USP26: variants seen among roughly 807,000 people sequenced by gnomAD.
USP26 encodes ubiquitin carboxyl-terminal hydrolase 26.
For missense variants in USP26, 649 were observed against 642.3 expected (o/e 1.01, Z -0.11); for synonymous variants, 236 against 240.6 (o/e 0.98, Z 0.18).
Position 133,024,195 on chromosome X carries a change from T to A in USP26, c.*1284A>T, listed in dbSNP as rs1005370607. Among the ~76,000 whole-genome samples, 1 of 110,611 alleles carries A rather than the reference T, an allele frequency of 9.0e-6. No individual in the cohort carries two copies. Among genetic ancestry groups the A allele is most frequent in the South Asian group, 3.8e-4 (1 of 2,599 alleles). On this transcript the variant is annotated 3_prime_UTR_variant, in exon 6 of 6. Coordinates refer to ENST00000511190, the MANE Select transcript of USP26 (RefSeq NM_031907.3). ...GTCAAATAAGTAACAAGTAATACTT[T>A]CAAATTCTACAAGTCCACTTTAAAG...
chrX:133,075,379 G>A (rs1201342321), intron 5 of USP26, among the ~76,000 whole-genome samples: 2 of 112,272 alleles, frequency 1.8e-5, no homozygotes, highest in African/African-American at 6.5e-5. Context: ...CTTGTCCTGA[G>A]TTATTTCAAG....
At chrX:133,043,185 T>G (rs2067425758) in intron 5 of USP26, among the ~76,000 whole-genome samples, 1 of 111,907 alleles carries the variant, frequency 8.9e-6, no homozygotes, top group Admixed American at 9.5e-5. Context: ...TGGGAACACC[T>G]TAAGCACTGT....
At chrX:133,033,755 C>T (rs1455678571) in intron 5 of USP26, among the ~76,000 whole-genome samples, 1 of 112,189 alleles carries the variant, frequency 8.9e-6, no homozygotes, top group Non-Finnish European at 1.9e-5. Context: ...TATTCACTTA[C>T]TAACCAAAAT....
intron 5 of USP26, among the ~76,000 whole-genome samples, chrX:133,072,126 C>CA: frequency 8.9e-6 from 1 of 111,987 alleles, no homozygotes; most frequent in East Asian, 2.8e-4. Flanking sequence ...TGGCTATGTG[C>CA]AAAGGCCTAT....
Position 133,028,240 on chromosome X carries a change from T to C in USP26, c.-20A>G. On this transcript the variant is annotated 5_prime_UTR_variant, in exon 6 of 6. In the 5' UTR this introduces an upstream ATG that the reference lacks. Transcript: ENST00000511190. ...AGCCATGTTTTCTTTACAAATAAAA[T>C]ATACGTATCTCCGATTATTGATAAT... 8.3e-7 allele frequency: 1 copy of C among 1,208,338 alleles called. No individual in the cohort carries two copies. Among genetic ancestry groups the C allele is most frequent in the Non-Finnish European group, 1.1e-6 (1 of 892,737 alleles).
intron 5 of USP26, among the ~76,000 whole-genome samples, chrX:133,041,035 T>C (rs1360454323): frequency 9.1e-6 from 1 of 110,277 alleles, no homozygotes; most frequent in Non-Finnish European, 1.9e-5. Context: ...GTTTTTCAGC[T>C]CCATTGGGTA....
chrX:133,076,120 C>T (rs1167923669), intron 5 of USP26, among the ~76,000 whole-genome samples: 1 of 111,438 alleles, frequency 9.0e-6, no homozygotes, highest in Non-Finnish European at 1.9e-5. Context: ...ACCAAATTCA[C>T]TATAATGTAG....
At chrX:133,069,308 G>A (rs189757955) in intron 5 of USP26, among the ~76,000 whole-genome samples, 30 of 111,795 alleles carry the variant, frequency 2.7e-4, no homozygotes, top group Non-Finnish European at 5.6e-4. Flanking sequence ...AAAGGAAAAC[G>A]AATATCTTTT....
chrX:133,067,639 C>T (rs928764806), intron 5 of USP26, among the ~76,000 whole-genome samples: 13 of 112,100 alleles, frequency 1.2e-4, no homozygotes, highest in East Asian at 2.8e-4. Context: ...AAACAAACAC[C>T]GCATGTTCTC....
intron 4 of USP26, among the ~76,000 whole-genome samples, chrX:133,088,932 T>A (rs1339103022): frequency 1.8e-5 from 2 of 109,836 alleles, no homozygotes; most frequent in African/African-American, 6.6e-5. Flanking sequence ...CATTAAGTGG[T>A]TTTAGGTAGA....
Position 133,025,743 on chromosome X carries a change from G to C in USP26, c.2478C>G (p.Leu826=). Residue 826 remains leucine, a synonymous_variant, in exon 6 of 6, where the codon CTC becomes CTG. Coordinates refer to ENST00000511190, the MANE Select transcript of USP26 (RefSeq NM_031907.3). The stretch of plus-strand genomic sequence containing the variant: ...TCCCAAGATGGCTGACAACACTAAT[G>C]AGCCGGTAGGTATGATCTCCCTTAT... ...NDDKGDHTYR[L]ISVVSHLGKT... is the part of the protein sequence containing the mutation. The C allele has an allele frequency of 1.7e-6, 2 of 1,209,571 alleles. No individual in the cohort carries two copies. The highest frequency in any genetic ancestry group is 2.2e-6 in the Non-Finnish European group (2 of 893,674).
At chrX:133,033,680 T>C (rs1396202014) in intron 5 of USP26, among the ~76,000 whole-genome samples, 1 of 112,401 alleles carries the variant, frequency 8.9e-6, no homozygotes, top group Non-Finnish European at 1.9e-5. Flanking sequence ...TTAATCCTTC[T>C]TCTCCTGTTG....
intron 5 of USP26, among the ~76,000 whole-genome samples, chrX:133,063,981 A>T (rs1457558715): frequency 8.9e-6 from 1 of 112,221 alleles, no homozygotes; most frequent in East Asian, 2.8e-4. Flanking sequence ...TAATCAGAAG[A>T]CCTATCTTAT....
At chrX:133,034,142 G>C (rs1372497888) in intron 5 of USP26, among the ~76,000 whole-genome samples, 1 of 111,588 alleles carries the variant, frequency 9.0e-6, no homozygotes, top group Non-Finnish European at 1.9e-5. Context: ...CTTTGCCTGT[G>C]ATACCCTGCA....
In USP26 at chrX:133,091,226, G is replaced by T. The variant is rs1287106742; in HGVS notation, c.-302+127C>A. Reference sequence around the variant, plus strand: ...CCTTCAGGAACCCTAGCAAATAAATGTCACAAGTGGAGCAGGCTGGCAGAC... The same window carrying T: ...CCTTCAGGAACCCTAGCAAATAAATTTCACAAGTGGAGCAGGCTGGCAGAC... On this transcript the variant is annotated intron_variant, in intron 2 of 5. Transcript: ENST00000511190. 2.7e-5 allele frequency: 3 copies of T among 112,058 alleles called. No homozygotes were observed. The East Asian group carries it at 8.4e-4, about 31-fold the overall frequency. The allele number at this position is 112,058 out of a possible 1,213,427, so 9.2% of individuals were successfully genotyped here.
chrX:133,091,135 A>C (rs151221428), intron 2 of USP26, among the ~76,000 whole-genome samples: 42 of 112,348 alleles, frequency 3.7e-4, no homozygotes, highest in South Asian at 3.3e-3. Context: ...AATGGACAAC[A>C]ATGTATGGAA....
intron 1 of USP26, among the ~76,000 whole-genome samples, chrX:133,096,047 ATTTTTTTTTTTT>A (rs779131148): frequency 1.1e-4 from 4 of 36,548 alleles, no homozygotes; most frequent in Admixed American, 5.6e-4. Flanking sequence ...GCCCGGCCTA[ATTTTTTTTTTTT>A]TTTTTTTTTT....
chrX:133,095,830 C>T (rs920642333), intron 1 of USP26, among the ~76,000 whole-genome samples: 2 of 111,056 alleles, frequency 1.8e-5, no homozygotes, highest in South Asian at 3.8e-4. Context: ...CTGCAACCTT[C>T]GCCTCCTGGT....
Position 133,027,495 on chromosome X carries a change from G to A in USP26, c.726C>T (p.Asn242=), listed in dbSNP as rs776894017. 2.1e-5 allele frequency: 25 copies of A among 1,208,985 alleles called. No homozygotes were observed. The highest frequency in any genetic ancestry group is 1.2e-4 in the East Asian group (4 of 33,761). ...CATCTAGGTAAGGATTTCCAGTGGCGTTCATGATGCATGAAGATTCACATT... is the reference window on the plus strand; with the variant it reads ...CATCTAGGTAAGGATTTCCAGTGGCATTCATGATGCATGAAGATTCACATT... ...KLECESSCIM[N]ATGNPYLDDI... Residue 242 remains asparagine, a synonymous_variant, in exon 6 of 6, where the codon AAC becomes AAT. Transcript: ENST00000511190.
Sources: allele counts gnomAD v4.1 joint callset (sites outside exome capture counted in the v4.1 genomes callset), GRCh38; gene constraint gnomAD v4.1.1; transcripts MANE v1.5; gene names NCBI Gene and HGNC (gene_info 2026-07-23, HGNC 2026-07-21).